CATSPERT: variants seen among roughly 807,000 people sequenced by gnomAD.
The protein encoded by CATSPERT is cation channel sperm-associated targeting subunit tau.
At chr2:201,581,581 TATATATATATATAC>T in the CATSPERT span, among the ~76,000 whole-genome samples, 424 of 66,452 alleles carry the variant, frequency 6.4e-3, 41 homozygotes, top group East Asian at 0.026. Context: ...TATATATATA[TATATATATATATAC>T]ACATACATAT....
chr2:201,601,994 T>C, the CATSPERT span: 1 of 768,454 alleles, frequency 1.3e-6, no homozygotes. Flanking sequence ...ATCAATCATG[T>C]AGCATTAAAC....
chr2:201,544,755 C>A, the CATSPERT span, among the ~76,000 whole-genome samples: 1 of 145,360 alleles, frequency 6.9e-6, no homozygotes, highest in East Asian at 2.0e-4. Context: ...GAAGCCAAGG[C>A]AGGAGGATTG....
At chr2:201,547,601 C>A in the CATSPERT span, 3 of 1,481,334 alleles carry the variant, frequency 2.0e-6, no homozygotes, top group Non-Finnish European at 2.7e-6. Context: ...CTTTTTTCAT[C>A]TTTTCCAGCC....
the CATSPERT span, among the ~76,000 whole-genome samples, chr2:201,568,570 G>A: frequency 1.3e-5 from 2 of 152,114 alleles, no homozygotes; most frequent in Non-Finnish European, 2.9e-5. Flanking sequence ...AATTGAAGTT[G>A]TCACTTGGCT....
At chr2:201,616,952 T>C in the CATSPERT span, among the ~76,000 whole-genome samples, 2 of 152,204 alleles carry the variant, frequency 1.3e-5, no homozygotes, top group Non-Finnish European at 2.9e-5. Flanking sequence ...GGAACTCCCA[T>C]TCACAATTGC....
chr2:201,544,821 C>CAAAAAAAAA, the CATSPERT span, among the ~76,000 whole-genome samples: 2 of 92,610 alleles, frequency 2.2e-5, no homozygotes, highest in Admixed American at 1.1e-4. Flanking sequence ...CCTGTCTCTA[C>CAAAAAAAAA]AAAAAAAAAA....
the CATSPERT span, among the ~76,000 whole-genome samples, chr2:201,518,697 A>C: frequency 1.3e-5 from 2 of 152,246 alleles, no homozygotes; most frequent in African/African-American, 2.4e-5. Flanking sequence ...TATGGAGGCA[A>C]CAAATGAATT....
chr2:201,601,933 ATAATACATTATAAAAT>A, the CATSPERT span: 2 of 1,347,002 alleles, frequency 1.5e-6, no homozygotes, highest in Non-Finnish European at 2.0e-6. Context: ...TAATTGAACA[ATAATACATTATAAAAT>A]TAATACATTA....
At chr2:201,545,944 G>T in the CATSPERT span, among the ~76,000 whole-genome samples, 1 of 151,992 alleles carries the variant, frequency 6.6e-6, no homozygotes, top group African/African-American at 2.4e-5. Context: ...AACTTCAGGG[G>T]GTATGAGAAG....
At chr2:201,601,557 T>C in the CATSPERT span, among the ~76,000 whole-genome samples, 3 of 152,038 alleles carry the variant, frequency 2.0e-5, no homozygotes, top group African/African-American at 7.3e-5. Context: ...TAAAATTGTT[T>C]CTTTTTTTAA....
chr2:201,530,322 T>C, the CATSPERT span, among the ~76,000 whole-genome samples: 121 of 152,322 alleles, frequency 7.9e-4, 1 homozygote, highest in African/African-American at 2.7e-3. Flanking sequence ...TGTTGTGCTA[T>C]TGTAATAGCT....
chr2:201,514,651 C>T, the CATSPERT span, among the ~76,000 whole-genome samples: 2 of 152,182 alleles, frequency 1.3e-5, no homozygotes, highest in African/African-American at 4.8e-5. Context: ...ACACATTTGT[C>T]AAAACTCATT....
At chr2:201,526,316 G>C in the CATSPERT span, among the ~76,000 whole-genome samples, 1 of 152,058 alleles carries the variant, frequency 6.6e-6, no homozygotes, top group Non-Finnish European at 1.5e-5. Context: ...GTCAGGGTTT[G>C]AGATCAGCCT....
At chr2:201,579,723 T>TGG in the CATSPERT span, among the ~76,000 whole-genome samples, 1 of 152,110 alleles carries the variant, frequency 6.6e-6, no homozygotes, top group Non-Finnish European at 1.5e-5. Context: ...GAATCTACAC[T>TGG]GGTATGTCCC....
chr2:201,576,574 C>G, the CATSPERT span, among the ~76,000 whole-genome samples: 5 of 152,112 alleles, frequency 3.3e-5, no homozygotes, highest in Non-Finnish European at 5.9e-5. Flanking sequence ...TTAAATGTTA[C>G]TTTGTTGTGG....
At chr2:201,591,811 C>G in the CATSPERT span, among the ~76,000 whole-genome samples, 1 of 151,962 alleles carries the variant, frequency 6.6e-6, no homozygotes, top group Admixed American at 6.6e-5. Flanking sequence ...TATAAGAATG[C>G]TTGCGATTTT....
chr2:201,492,062 A>G, the CATSPERT span: 3 of 1,530,162 alleles, frequency 2.0e-6, no homozygotes, highest in Admixed American at 6.1e-5. Context: ...ATTAAAGATG[A>G]ATTTCCCTTT....
At chr2:201,616,444 C>T in the CATSPERT span, among the ~76,000 whole-genome samples, 1 of 152,258 alleles carries the variant, frequency 6.6e-6, no homozygotes, top group Admixed American at 6.5e-5. Flanking sequence ...TAAACAGAAC[C>T]AAAGACAAAA....
At chr2:201,605,611 C>T in the CATSPERT span, among the ~76,000 whole-genome samples, 1 of 152,056 alleles carries the variant, frequency 6.6e-6, no homozygotes. Context: ...AAAGAAATGA[C>T]CATGGCCAAG....
Sources: gnomAD v4.1 joint callset for allele counts (sites outside exome capture counted in the v4.1 genomes callset) on GRCh38, gnomAD v4.1.1 for gene constraint, MANE v1.5 for transcripts, NCBI Gene and HGNC (gene_info 2026-07-23, HGNC 2026-07-21) for gene names.